Variants in PPARGC1A observed in about 807,000 individuals in gnomAD.
The protein encoded by PPARGC1A is PPARG coactivator 1 alpha.
PPARGC1A carries 25 observed loss-of-function variants against 88.7 expected under a neutral mutation model. The observed-to-expected ratio is 0.28, with a 90% CI of 0.21 to 0.39. The LOEUF is 0.39. PPARGC1A is among the 10% of genes least tolerant of loss of function. The pLI is 1.00. For synonymous variants in PPARGC1A, 363 were observed against 355.6 expected (o/e 1.02, Z -0.24); for missense variants, 880 against 968.7 (o/e 0.91, Z 1.22).
the PPARGC1A span, among the ~76,000 whole-genome samples, chr4:24,443,486 G>A: frequency 2.6e-5 from 4 of 152,154 alleles, no homozygotes; most frequent in Non-Finnish European, 5.9e-5. Flanking sequence ...CATGGAGGCT[G>A]TGCAGAGTGT....
chr4:24,241,606 G>A, the PPARGC1A span, among the ~76,000 whole-genome samples: 1 of 152,192 alleles, frequency 6.6e-6, no homozygotes. Flanking sequence ...TGCATCTGCA[G>A]GCTCACGCCT....
the PPARGC1A span, among the ~76,000 whole-genome samples, chr4:24,013,355 TC>T: frequency 6.6e-6 from 1 of 152,142 alleles, no homozygotes; most frequent in African/African-American, 2.4e-5. Flanking sequence ...ATTCCCCTTT[TC>T]CTTCCCACTC....
At chr4:24,056,461 T>C in the PPARGC1A span, among the ~76,000 whole-genome samples, 1 of 152,212 alleles carries the variant, frequency 6.6e-6, no homozygotes, top group Non-Finnish European at 1.5e-5. Flanking sequence ...TCATATTCAA[T>C]GAGCAGAGTT....
chr4:24,089,255 T>C, the PPARGC1A span, among the ~76,000 whole-genome samples: 4 of 152,164 alleles, frequency 2.6e-5, no homozygotes, highest in African/African-American at 9.6e-5. Flanking sequence ...GCCATCAGAT[T>C]TAGTTTCCTC....
chr4:24,178,048 C>A, the PPARGC1A span, among the ~76,000 whole-genome samples: 1 of 152,218 alleles, frequency 6.6e-6, no homozygotes, highest in Admixed American at 6.5e-5. Flanking sequence ...CACAGGAAAA[C>A]AGCATGGCTG....
chr4:24,213,218 G>A, the PPARGC1A span, among the ~76,000 whole-genome samples: 2 of 148,794 alleles, frequency 1.3e-5, no homozygotes, highest in Admixed American at 6.7e-5. Flanking sequence ...CCAGGCTGGA[G>A]TGCAGTGGCG....
chr4:24,315,369 T>C, the PPARGC1A span, among the ~76,000 whole-genome samples: 1 of 152,202 alleles, frequency 6.6e-6, no homozygotes, highest in Admixed American at 6.5e-5. Context: ...TATAGCCACA[T>C]GAAGGAAATG....
At chr4:24,294,832 G>T in the PPARGC1A span, among the ~76,000 whole-genome samples, 1 of 152,148 alleles carries the variant, frequency 6.6e-6, no homozygotes, top group Non-Finnish European at 1.5e-5. Context: ...CAGGCAAATC[G>T]TATCCATAAC....
At chr4:24,339,223 T>C in the PPARGC1A span, among the ~76,000 whole-genome samples, 8,623 of 72,028 alleles carry the variant, frequency 0.12, 321 homozygotes, top group Middle Eastern at 0.18. Flanking sequence ...TATATATATA[T>C]ATATATATAT....
chr4:24,081,720 T>C, the PPARGC1A span, among the ~76,000 whole-genome samples: 1 of 151,946 alleles, frequency 6.6e-6, no homozygotes, highest in Non-Finnish European at 1.5e-5. Context: ...TTCGCACTAA[T>C]GAGGTGTTCA....
the PPARGC1A span, among the ~76,000 whole-genome samples, chr4:24,388,770 G>A: frequency 4.1e-4 from 63 of 152,036 alleles, no homozygotes; most frequent in Non-Finnish European, 8.5e-4. Flanking sequence ...GTTGAACAAT[G>A]AGAACACATG....
chr4:24,428,853 G>A, the PPARGC1A span, among the ~76,000 whole-genome samples: 1 of 152,148 alleles, frequency 6.6e-6, no homozygotes, highest in Non-Finnish European at 1.5e-5. Flanking sequence ...GCATACAAAT[G>A]TCTTATTTTA....
chr4:24,081,485 T>C, the PPARGC1A span, among the ~76,000 whole-genome samples: 3 of 152,152 alleles, frequency 2.0e-5, no homozygotes, highest in Non-Finnish European at 4.4e-5. Context: ...GGCTATGTAA[T>C]AGACCTGCTG....
chr4:24,451,543 T>C, the PPARGC1A span, among the ~76,000 whole-genome samples: 2 of 152,166 alleles, frequency 1.3e-5, no homozygotes, highest in Non-Finnish European at 2.9e-5. Flanking sequence ...GACTGTGTGA[T>C]GGTTTGGGTT....
At chr4:24,196,302 T>A in the PPARGC1A span, among the ~76,000 whole-genome samples, 1 of 152,010 alleles carries the variant, frequency 6.6e-6, no homozygotes, top group African/African-American at 2.4e-5. Flanking sequence ...GAGAGAAAAA[T>A]GAAAACAGGA....
chr4:24,110,966 T>C, the PPARGC1A span, among the ~76,000 whole-genome samples: 1 of 152,220 alleles, frequency 6.6e-6, no homozygotes, highest in African/African-American at 2.4e-5. Context: ...TCATTCTACA[T>C]AAATAACTTA....
chr4:24,244,267 G>A, the PPARGC1A span, among the ~76,000 whole-genome samples: 1 of 152,126 alleles, frequency 6.6e-6, no homozygotes, highest in African/African-American at 2.4e-5. Flanking sequence ...TTACAGGGGT[G>A]CACAGAACTG....
At chr4:24,035,445 G>T in the PPARGC1A span, among the ~76,000 whole-genome samples, 10 of 151,966 alleles carry the variant, frequency 6.6e-5, no homozygotes, top group African/African-American at 2.4e-4. Flanking sequence ...GGAGGCTGAG[G>T]CACAAGAATT....
the PPARGC1A span, among the ~76,000 whole-genome samples, chr4:24,438,006 G>A: frequency 3.2e-4 from 49 of 152,232 alleles, no homozygotes; most frequent in African/African-American, 8.4e-4. Context: ...GAGAGTGGCA[G>A]GCCCATGCTC....
Sources: gnomAD v4.1 joint callset for allele counts (sites outside exome capture counted in the v4.1 genomes callset) on GRCh38, gnomAD v4.1.1 for gene constraint, MANE v1.5 for transcripts, NCBI Gene and HGNC (gene_info 2026-07-23, HGNC 2026-07-21) for gene names.